SERPINI1: variants seen among roughly 807,000 people sequenced by gnomAD.
SERPINI1 encodes the protein neuroserpin.
Under a neutral mutation model 41.1 loss-of-function variants are expected in SERPINI1, and 19 were observed. The ratio of observed to expected loss-of-function variants is 0.46; its 90% CI spans 0.32 to 0.68. The LOEUF (loss-of-function observed/expected upper bound fraction) is 0.68. Among genes scored for constraint, SERPINI1 ranks in the 30% least tolerant of loss-of-function variants. The pLI is 0.03. For missense variants in SERPINI1, 460 were observed against 479.2 expected (o/e 0.96, Z 0.37); for synonymous variants, 138 against 156.6 (o/e 0.88, Z 0.89).
chr3:167,801,235 TAA>T (rs1727889390), intron 5 of SERPINI1, among the ~76,000 whole-genome samples: 1 of 152,250 alleles, frequency 6.6e-6, no homozygotes, highest in Non-Finnish European at 1.5e-5. Context: ...TGTTATTTTC[TAA>T]CACTTGTTCT....
chr3:167,774,340 T>A (rs547702303), intron 1 of SERPINI1, among the ~76,000 whole-genome samples: 1 of 152,328 alleles, frequency 6.6e-6, no homozygotes, highest in South Asian at 2.1e-4. Flanking sequence ...ATTAGCCTAA[T>A]TCATCTTACC....
chr3:167,738,495 T>C (rs1281150213), intron 1 of SERPINI1, among the ~76,000 whole-genome samples: 1 of 152,020 alleles, frequency 6.6e-6, no homozygotes, highest in Non-Finnish European at 1.5e-5. Context: ...GGGGAATAGA[T>C]ATAAAGAAAA....
rs1296153963 is a variant in SERPINI1 at position 167,825,479 on chromosome 3, A to G, written c.*156A>G. The G allele has an allele frequency of 4.7e-6, 3 of 633,042 alleles. No homozygotes were observed. Among genetic ancestry groups the G allele is most frequent in the Non-Finnish European group, 8.5e-6 (3 of 351,094 alleles). 39.2% of individuals were successfully genotyped at this position (633,042 alleles called of 1,614,324 possible). A position where few individuals can be genotyped will look rare whatever the true frequency, so the allele number is the denominator to read the frequency against. On this transcript the variant is annotated 3_prime_UTR_variant, in exon 9 of 9. Transcript: ENST00000446050. ...TATGTAAATTATAAGTAACTTGTCA[A>G]GGAATGTTATCAGTATTAAGCTAAT...
Position 167,794,933 on chromosome 3 carries a change from A to G in SERPINI1, c.881+109A>G, listed in dbSNP as rs1390937210. 4 of 774,034 alleles carry G rather than the reference A, an allele frequency of 5.2e-6. No homozygotes were observed. The Admixed American group carries it at 6.5e-5, about 13-fold the overall frequency. 47.9% of individuals were successfully genotyped at this position (774,034 alleles called of 1,614,324 possible). A position where few individuals can be genotyped will look rare whatever the true frequency, so the allele number is the denominator to read the frequency against. On this transcript the variant is annotated intron_variant, in intron 5 of 8. Transcript: ENST00000446050. ...GCTTTCGAATTATAATTCTTGTGCC[A>G]CTCTCTTCTTATTCTTGTTCTTCTC... is the stretch of plus-strand genomic sequence containing the variant.
At chr3:167,771,863 A>G (rs888414093) in intron 1 of SERPINI1, among the ~76,000 whole-genome samples, 1 of 152,082 alleles carries the variant, frequency 6.6e-6, no homozygotes, top group Non-Finnish European at 1.5e-5. Context: ...ACGCGCACGC[A>G]CATGCACACA....
At chr3:167,821,534 A>G (rs1712327353) in intron 6 of SERPINI1, among the ~76,000 whole-genome samples, 1 of 152,144 alleles carries the variant, frequency 6.6e-6, no homozygotes, top group Non-Finnish European at 1.5e-5. Context: ...TGTGCAGCAG[A>G]CAGACCCCAT....
At chr3:167,809,328 T>G (rs1044829743) in intron 6 of SERPINI1, among the ~76,000 whole-genome samples, 4 of 152,208 alleles carry the variant, frequency 2.6e-5, no homozygotes, top group African/African-American at 9.6e-5. Context: ...ACATTGTACT[T>G]TCTTAACGTG....
At chr3:167,786,023 A>G (rs1577416770) in intron 1 of SERPINI1, among the ~76,000 whole-genome samples, 1 of 152,210 alleles carries the variant, frequency 6.6e-6, no homozygotes, top group South Asian at 2.1e-4. Context: ...ATAGCCTACT[A>G]CACACCTGGG....
intron 1 of SERPINI1, among the ~76,000 whole-genome samples, chr3:167,785,230 G>A (rs914989838): frequency 2.6e-5 from 4 of 152,072 alleles, no homozygotes; most frequent in African/African-American, 4.8e-5. Flanking sequence ...GCAACAGAGC[G>A]AGACTGTGTC....
chr3:167,763,270 T>A (rs1285159740), intron 1 of SERPINI1, among the ~76,000 whole-genome samples: 1 of 152,136 alleles, frequency 6.6e-6, no homozygotes, highest in Non-Finnish European at 1.5e-5. Flanking sequence ...TGCAAAGGAA[T>A]AAGTGGTCTG....
intron 8 of SERPINI1, 113 bp from the exon 9 acceptor site, chr3:167,825,134 A>C: frequency 1.3e-6 from 1 of 779,322 alleles, no homozygotes; most frequent in Non-Finnish European, 2.3e-6. Context: ...GAAGGAAGGA[A>C]GGAAGGAAGG....
chr3:167,819,743 G>T (rs1294518606), intron 6 of SERPINI1, among the ~76,000 whole-genome samples: 1 of 152,174 alleles, frequency 6.6e-6, no homozygotes, highest in Non-Finnish European at 1.5e-5. Context: ...AATGTATTTT[G>T]TGGGTAGAAC....
chr3:167,794,779 G>T lies in SERPINI1; in HGVS notation c.836G>T (p.Trp279Leu). ...PLVKAQLVEE[W>L]ANSVKKQKVE... The stretch of plus-strand genomic sequence containing the variant: ...GTCAAAGCACAGCTGGTTGAAGAAT[G>T]GGCAAACTCTGTGAAGAAGCAAAAA... The change falls in exon 5 of 9, where the codon TGG (tryptophan) becomes TTG (leucine). Residue 279 changes from tryptophan to leucine, a missense_variant. Transcript: ENST00000446050. 6.2e-7 allele frequency: 1 copy of T among 1,613,590 alleles called. No individual in the cohort carries two copies. The highest frequency in any genetic ancestry group is 1.1e-5 in the South Asian group (1 of 91,062).
chr3:167,771,152 C>T (rs1216895502), intron 1 of SERPINI1, among the ~76,000 whole-genome samples: 1 of 151,972 alleles, frequency 6.6e-6, no homozygotes, highest in Non-Finnish European at 1.5e-5. Context: ...ATCTTTTGAC[C>T]CAACAATTTA....
At chr3:167,772,862 CTCTATA>C (rs1167823760) in intron 1 of SERPINI1, among the ~76,000 whole-genome samples, 1 of 23,656 alleles carries the variant, frequency 4.2e-5, no homozygotes, top group Admixed American at 6.2e-4. Flanking sequence ...CTCTCTCTCT[CTCTATA>C]TATATATATA....
intron 1 of SERPINI1, among the ~76,000 whole-genome samples, chr3:167,763,853 T>G (rs915542054): frequency 2.0e-5 from 3 of 152,148 alleles, no homozygotes; most frequent in Admixed American, 2.0e-4. Flanking sequence ...ATAGTTGTAT[T>G]GTCTCTCTTT....
intron 6 of SERPINI1, among the ~76,000 whole-genome samples, chr3:167,809,929 G>T (rs1359258450): frequency 6.6e-6 from 1 of 152,020 alleles, no homozygotes; most frequent in East Asian, 1.9e-4. Context: ...CTTGATAAAA[G>T]ATCTAAAGCA....
At chr3:167,743,975 T>G (rs1306443870) in intron 1 of SERPINI1, among the ~76,000 whole-genome samples, 2 of 152,048 alleles carry the variant, frequency 1.3e-5, no homozygotes, top group African/African-American at 2.4e-5. Context: ...ACCATGCCCA[T>G]TCATTTACAT....
rs192780273 is a variant in SERPINI1 at position 167,784,017 on chromosome 3, A to G, written c.-18-5094A>G. ...GCCCTGGCAGAGGCCCTCTCCCACA[A>G]ACATAATGGGAGCTCTTTCCAGGAG... On this transcript the variant is annotated intron_variant, in intron 1 of 8. Transcript: ENST00000446050. 2.7e-3 allele frequency among the ~76,000 whole-genome samples: 409 copies of G among 152,284 alleles called. 3 individuals carry two copies. The highest frequency in any genetic ancestry group is 3.2e-3 in the Non-Finnish European group (216 of 68,004).
Sources: allele counts gnomAD v4.1 joint callset (sites outside exome capture counted in the v4.1 genomes callset), GRCh38; gene constraint gnomAD v4.1.1; transcripts MANE v1.5; gene names NCBI Gene and HGNC (gene_info 2026-07-23, HGNC 2026-07-21).